The following UPP2 variants were observed in gnomAD, a reference collection of about 807,000 sequenced individuals.
The protein encoded by UPP2 is UPase 2.
UPP2 carries 23 observed loss-of-function variants against 26.7 expected under a neutral mutation model. The observed-to-expected ratio is 0.86, with a 90% CI of 0.62 to 1.22. The LOEUF (loss-of-function observed/expected upper bound fraction) is 1.22. UPP2 is among the 50% of genes most tolerant of loss of function. The pLI, the probability that UPP2 is intolerant of heterozygous loss-of-function variation, is 0.00. For synonymous variants in UPP2, 127 were observed against 141.3 expected (o/e 0.90, Z 0.72); for missense variants, 387 against 396.7 (o/e 0.98, Z 0.21).
At chr2:158,088,638 G>A (rs1055426519) in intron 3 of UPP2, among the ~76,000 whole-genome samples, 7 of 152,134 alleles carry the variant, frequency 4.6e-5, no homozygotes, top group Non-Finnish European at 7.4e-5. Context: ...TTGGGCTCAA[G>A]GGCTGCTGTT....
Position 158,007,795 on chromosome 2 carries a change from G to A in UPP2, c.62-8006G>A, listed in dbSNP as rs114664045. Among the ~76,000 whole-genome samples the A allele has an allele frequency of 7.3e-3, 1,115 of 152,078 alleles. 17 individuals carry two copies. The highest frequency in any genetic ancestry group is 0.025 in the African/African-American group (1,047 of 41,478). ...ACCACCACATCTGGCTAGAGACAGG[G>A]TTTCAACATGTTGGTCAGCTGGTCT... is the stretch of plus-strand genomic sequence containing the variant. On this transcript the variant is annotated intron_variant, in intron 2 of 9. Transcript: ENST00000605860.
chr2:158,108,495 AG>A (rs1683241173), intron 2 of UPP2, among the ~76,000 whole-genome samples: 1 of 152,166 alleles, frequency 6.6e-6, no homozygotes, highest in African/African-American at 2.4e-5. Flanking sequence ...AGTACTTTTT[AG>A]TACTCCAAGT....
intron 3 of UPP2, among the ~76,000 whole-genome samples, chr2:158,078,879 TC>T (rs755293883): frequency 1.2e-4 from 18 of 152,136 alleles, no homozygotes; most frequent in Non-Finnish European, 1.9e-4. Context: ...CCAAAGTATC[TC>T]ATGTACCCTG....
chr2:158,116,618 A>C (rs1683436786), intron 3 of UPP2, among the ~76,000 whole-genome samples: 1 of 152,220 alleles, frequency 6.6e-6, no homozygotes, highest in Non-Finnish European at 1.5e-5. Context: ...AAGAGAGCAC[A>C]AGTCCATTTG....
chr2:158,086,781 G>T lies in UPP2; in HGVS notation c.148-15259G>T, dbSNP rs1272442259. Among the ~76,000 whole-genome samples the T allele has an allele frequency of 2.6e-5, 4 of 151,908 alleles. No individual in the cohort carries two copies. In the South Asian group the frequency reaches 8.3e-4, roughly 32 times the overall value. On this transcript the variant is annotated intron_variant, in intron 3 of 9. Coordinates refer to the UPP2 transcript ENST00000605860. ...CATTCAGGAACAGGTTATTTAATTT[G>T]CAGGTATTTGCATGGTTTTGAAGGT...
chr2:158,071,092 G>T (rs1236988918), intron 3 of UPP2, among the ~76,000 whole-genome samples: 4 of 152,176 alleles, frequency 2.6e-5, no homozygotes, highest in Non-Finnish European at 5.9e-5. Flanking sequence ...AAAATTAAAA[G>T]GCAGTCAGGG....
intron 6 of UPP2, among the ~76,000 whole-genome samples, chr2:158,131,380 G>T (rs955293421): frequency 2.6e-5 from 4 of 152,140 alleles, no homozygotes; most frequent in African/African-American, 9.7e-5. Flanking sequence ...GGTTAAAGTG[G>T]TGGTCCATAG....
At chr2:158,060,755 G>C (rs925157673) in intron 3 of UPP2, among the ~76,000 whole-genome samples, 4 of 152,132 alleles carry the variant, frequency 2.6e-5, no homozygotes, top group Non-Finnish European at 5.9e-5. Context: ...CCCTTAAAAA[G>C]AAGAGCCACC....
At chr2:158,009,319 C>T (rs6437126) in intron 2 of UPP2, among the ~76,000 whole-genome samples, 52,888 of 152,106 alleles carry the variant, frequency 0.35, 13,413 homozygotes, top group African/African-American at 0.72. Flanking sequence ...ATTGGATACA[C>T]ACAGTAATAG....
At chr2:158,056,179 A>G (rs1167770476) in intron 3 of UPP2, among the ~76,000 whole-genome samples, 1 of 152,214 alleles carries the variant, frequency 6.6e-6, no homozygotes, top group Non-Finnish European at 1.5e-5. Context: ...AATTGCTGAA[A>G]TAAGAAAAAG....
chr2:158,129,584 A>G (rs1574312799), intron 6 of UPP2, among the ~76,000 whole-genome samples: 2 of 151,850 alleles, frequency 1.3e-5, no homozygotes, highest in Admixed American at 6.5e-5. Context: ...TCTCTCCACT[A>G]TTCCATAAGG....
intron 3 of UPP2, among the ~76,000 whole-genome samples, chr2:158,060,946 T>C (rs1574268759): frequency 6.6e-6 from 1 of 152,210 alleles, no homozygotes; most frequent in East Asian, 1.9e-4. Flanking sequence ...GGCATTTTAG[T>C]ATGGCAGCCT....
intron 3 of UPP2, among the ~76,000 whole-genome samples, chr2:158,115,663 GC>G (rs1166738810): frequency 1.3e-5 from 2 of 152,148 alleles, no homozygotes; most frequent in Non-Finnish European, 2.9e-5. Context: ...TAATAAGCTC[GC>G]TGAAAAGCTG....
intron 3 of UPP2, among the ~76,000 whole-genome samples, chr2:158,023,068 G>A (rs4664920): frequency 0.52 from 76,654 of 146,102 alleles, 21,629 homozygotes; most frequent in Admixed American, 0.7. Context: ...CACCCAACAA[G>A]ATGAATGCTA....
intron 6 of UPP2, among the ~76,000 whole-genome samples, chr2:158,127,099 A>G (rs1342326033): frequency 6.6e-6 from 1 of 152,212 alleles, no homozygotes; most frequent in Non-Finnish European, 1.5e-5. Context: ...ACTTAGCACA[A>G]GGAGGCCTTG....
intron 3 of UPP2, among the ~76,000 whole-genome samples, chr2:158,087,401 T>C (rs58095730): frequency 0.11 from 16,331 of 152,186 alleles, 1,223 homozygotes; most frequent in African/African-American, 0.22. Flanking sequence ...GGTGAGTCTC[T>C]TGAAGACAGC....
chr2:158,006,464 G>T, intron 2 of UPP2, among the ~76,000 whole-genome samples: 1 of 132,400 alleles, frequency 7.6e-6, no homozygotes, highest in South Asian at 2.5e-4. Flanking sequence ...GTGAAAGAGC[G>T]AGACTCCGTC....
At chr2:158,090,817 G>T (rs1682899993) in intron 3 of UPP2, among the ~76,000 whole-genome samples, 1 of 152,144 alleles carries the variant, frequency 6.6e-6, no homozygotes, top group Non-Finnish European at 1.5e-5. Context: ...ATGCCACTGA[G>T]GCCCAGAGAG....
intron 6 of UPP2, 36 bp from the exon 7 acceptor site, chr2:158,134,712 C>T (rs1327620229): frequency 1.3e-6 from 2 of 1,559,876 alleles, no homozygotes; most frequent in Admixed American, 1.9e-5. Flanking sequence ...AAGATGAACC[C>T]ATTCATTCCA....
Sources: gnomAD v4.1 joint callset for allele counts (sites outside exome capture counted in the v4.1 genomes callset) on GRCh38, gnomAD v4.1.1 for gene constraint, MANE v1.5 for transcripts, NCBI Gene and HGNC (gene_info 2026-07-23, HGNC 2026-07-21) for gene names.